Variants in CUL4A observed in about 807,000 individuals in gnomAD.
The protein encoded by CUL4A is cullin-4A.
Under a neutral mutation model 95.5 loss-of-function variants are expected in CUL4A, and 16 were observed. The ratio of observed to expected loss-of-function variants is 0.17; its 90% CI spans 0.11 to 0.25. CUL4A has a LOEUF of 0.25. Among genes scored for constraint, CUL4A ranks in the 10% least tolerant of loss-of-function variants. The probability of loss-of-function intolerance (pLI) is 1.00; values close to 1 mark genes in which losing one functional copy is unlikely to be tolerated. For synonymous variants in CUL4A, 380 were observed against 353.1 expected, an observed-to-expected ratio of 1.08 and a Z score of -0.85; for missense variants, 610 against 937.0, an observed-to-expected ratio of 0.65 and a Z score of 4.56.
chr13:113,225,703 C>T (rs758678022), intron 3 of CUL4A, among the ~76,000 whole-genome samples: 12 of 152,350 alleles, frequency 7.9e-5, no homozygotes, highest in Admixed American at 1.3e-4. Context: ...AGGTCCAGGC[C>T]GCAGTTCCCG....
intron 13 of CUL4A, 26 bp from the exon 14 acceptor site, chr13:113,245,126 C>G: frequency 6.2e-7 from 1 of 1,613,320 alleles, no homozygotes; most frequent in Non-Finnish European, 8.5e-7. Flanking sequence ...TTACCCCGAT[C>G]TCACTCCCTC....
intron 2 of CUL4A, among the ~76,000 whole-genome samples, chr13:113,212,446 C>T (rs2040484998): frequency 6.6e-6 from 1 of 152,196 alleles, no homozygotes; most frequent in African/African-American, 2.4e-5. Flanking sequence ...TCTAGGTCTA[C>T]GATCTATGTA....
intron 8 of CUL4A, among the ~76,000 whole-genome samples, chr13:113,236,487 A>G (rs938033784): frequency 1.3e-5 from 2 of 152,166 alleles, no homozygotes; most frequent in Non-Finnish European, 2.9e-5. Context: ...TCTCCGTAAG[A>G]TGGTGCATTA....
rs772705676 is a variant in CUL4A, at chr13:113,245,223, G to GTTCATTTCAAGCAGGTGAGTTGTGT, written c.1520_1530+14dup. On this transcript the variant is annotated frameshift_variant, in exon 14 of 20. Transcript: ENST00000375440. LOFTEE classifies it high-confidence loss of function. ...CATGGAGCTTTCGAAGGACATCATG[G>GTTCATTTCAAGCAGGTGAGTTGTGT]TTCATTTCAAGCAGGTGAGTTGTGT... 36 of 1,614,028 alleles carry GTTCATTTCAAGCAGGTGAGTTGTGT rather than the reference G, an allele frequency of 2.2e-5. No homozygotes were observed. In the South Asian group the frequency reaches 3.6e-4, roughly 16 times the overall value.
At chr13:113,208,677 G>T (rs1421246811), upstream of CUL4A, 8 of 1,583,230 alleles carry the variant, frequency 5.1e-6, no homozygotes, top group Non-Finnish European at 6.9e-6. Flanking sequence ...TACGCCTCAA[G>T]CGGGCCAGCT....
At chr13:113,261,640 G>A (rs892658013) in intron 19 of CUL4A, among the ~76,000 whole-genome samples, 1 of 152,214 alleles carries the variant, frequency 6.6e-6, no homozygotes, top group African/African-American at 2.4e-5. Context: ...GGCCCAGCGC[G>A]AAGCAGAGGT....
At chr13:113,259,924 G>A (rs935873525) in intron 18 of CUL4A, among the ~76,000 whole-genome samples, 6 of 151,788 alleles carry the variant, frequency 4.0e-5, no homozygotes, top group African/African-American at 1.2e-4. Context: ...GAACATTTCC[G>A]GCCAGGCACG....
At chr13:113,233,115 T>C (rs528541610) in intron 5 of CUL4A, 62 bp from the exon 6 acceptor site, 17 of 1,534,356 alleles carry the variant, frequency 1.1e-5, no homozygotes, top group Non-Finnish European at 1.4e-5. Flanking sequence ...TAGCTGGAGA[T>C]TCACCCATAA....
chr13:113,220,681 T>C (rs1444396813), intron 3 of CUL4A, among the ~76,000 whole-genome samples: 5 of 152,228 alleles, frequency 3.3e-5, no homozygotes, highest in Non-Finnish European at 7.3e-5. Context: ...AACGACTATC[T>C]GATTACCTGA....
chr13:113,214,881 T>C (rs902011724), intron 2 of CUL4A, among the ~76,000 whole-genome samples: 1 of 152,112 alleles, frequency 6.6e-6, no homozygotes, highest in Non-Finnish European at 1.5e-5. Flanking sequence ...TATATGACTC[T>C]GGAGGTAGCT....
intron 19 of CUL4A, 119 bp from the exon 20 acceptor site, chr13:113,263,368 C>A: frequency 5.2e-6 from 2 of 386,708 alleles, no homozygotes; most frequent in Non-Finnish European, 9.4e-6. Context: ...ATATAAATAT[C>A]TATTTGTATA....
intron 9 of CUL4A, among the ~76,000 whole-genome samples, 183 bp from the exon 10 acceptor site, chr13:113,239,250 A>C (rs1358511198): frequency 6.6e-6 from 1 of 152,238 alleles, no homozygotes; most frequent in African/African-American, 2.4e-5. Context: ...AATGAGGTTC[A>C]CCTAATAGGA....
chr13:113,240,639 T>C (rs1250034951), intron 10 of CUL4A, among the ~76,000 whole-genome samples: 1 of 152,230 alleles, frequency 6.6e-6, no homozygotes, highest in Non-Finnish European at 1.5e-5. Flanking sequence ...CTTAACGTGT[T>C]ATTGCATAAC....
chr13:113,231,569 C>G (rs2041311228), intron 5 of CUL4A, among the ~76,000 whole-genome samples: 1 of 152,160 alleles, frequency 6.6e-6, no homozygotes, highest in South Asian at 2.1e-4. Flanking sequence ...CTAAGCCTTC[C>G]TAAGCACTGG....
chr13:113,256,925 C>CTTTTTTTTTTTTTTTT lies in CUL4A; in HGVS notation c.2031+1800_2031+1801insTTTTTTTTTTTTTTTT, dbSNP rs1491171316. On this transcript the variant is annotated intron_variant, in intron 18 of 19. Coordinates refer to ENST00000375440, the MANE Select transcript of CUL4A (RefSeq NM_001008895.4). ...TAATGCTTTGTCCCTTTTTTTTTTT[C>CTTTTTTTTTTTTTTTT]GTTTTTTTTTTTTTTTTTTTTTTTG... Among the ~76,000 whole-genome samples the CTTTTTTTTTTTTTTTT allele has an allele frequency of 3.8e-4, 14 of 37,268 alleles. 1 individual carries two copies. The highest frequency in any genetic ancestry group is 6.0e-4 in the Non-Finnish European group (11 of 18,432). The allele number at this position is 37,268 out of a possible 152,430, so 24.4% of individuals were successfully genotyped here.
intron 19 of CUL4A, 45 bp downstream of exon 19, chr13:113,260,804 C>G (rs1465106346): frequency 2.2e-6 from 3 of 1,381,568 alleles, no homozygotes; most frequent in African/African-American, 1.5e-5. Flanking sequence ...ATTTGCTAAA[C>G]AATTGACAAA....
intron 8 of CUL4A, among the ~76,000 whole-genome samples, chr13:113,236,134 G>A (rs2041536455): frequency 1.3e-5 from 2 of 152,282 alleles, no homozygotes; most frequent in African/African-American, 4.8e-5. Context: ...GTAAGGTGCG[G>A]AAAGGGGAAG....
upstream of CUL4A, chr13:113,208,527 A>G (rs1013811140): frequency 2.4e-5 from 38 of 1,574,252 alleles, 2 homozygotes; most frequent in Non-Finnish European, 6.9e-6. Context: ...CTGAGGGTCC[A>G]AGGCAGGAGG....
chr13:113,253,677 G>A (rs999555211), intron 16 of CUL4A, among the ~76,000 whole-genome samples: 15 of 152,182 alleles, frequency 9.9e-5, no homozygotes, highest in East Asian at 9.6e-4. Context: ...CCCTGCTGCC[G>A]AGTTGTTGCC....
Sources: allele counts gnomAD v4.1 joint callset (sites outside exome capture counted in the v4.1 genomes callset), GRCh38; gene constraint gnomAD v4.1.1; transcripts MANE v1.5; gene names NCBI Gene and HGNC (gene_info 2026-07-23, HGNC 2026-07-21).